Variants in TESK2 observed in about 807,000 individuals in gnomAD.
TESK2 encodes the protein testis associated actin remodelling kinase 2.
A neutral mutation model predicts 57.1 loss-of-function variants in TESK2; 39 were observed. That is an observed-to-expected ratio of 0.68 (90% confidence interval 0.53 to 0.89). TESK2 has a LOEUF of 0.89. Ranked by LOEUF, TESK2 falls within the 40% of genes least tolerant of loss-of-function variation. The pLI, the probability that TESK2 is intolerant of heterozygous loss-of-function variation, is 0.00. For missense variants in TESK2, 646 were observed against 732.1 expected, an observed-to-expected ratio of 0.88 and a Z score of 1.36; for synonymous variants, 249 against 267.9, an observed-to-expected ratio of 0.93 and a Z score of 0.69.
chr1:45,400,507 G>A (rs976663406), intron 3 of TESK2, among the ~76,000 whole-genome samples: 1 of 152,148 alleles, frequency 6.6e-6, no homozygotes, highest in Non-Finnish European at 1.5e-5. Context: ...ACAAAAAATT[G>A]TATGGGTCAC....
chr1:45,432,677 C>A (rs1651021795), intron 2 of TESK2, among the ~76,000 whole-genome samples: 1 of 150,034 alleles, frequency 6.7e-6, no homozygotes, highest in African/African-American at 2.4e-5. Flanking sequence ...GGCAAAAGAG[C>A]CAGACTCCGT....
chr1:45,489,929 T>A (rs1203950116), intron 1 of TESK2, among the ~76,000 whole-genome samples: 1 of 152,236 alleles, frequency 6.6e-6, no homozygotes, highest in Admixed American at 6.5e-5. Context: ...CCAGAGACTA[T>A]GTTCCCTATT....
chr1:45,412,530 A>G (rs1650074607), intron 3 of TESK2, among the ~76,000 whole-genome samples: 1 of 152,204 alleles, frequency 6.6e-6, no homozygotes, highest in South Asian at 2.1e-4. Flanking sequence ...CTTCTTAAGG[A>G]GACTCTCTGG....
intron 4 of TESK2, among the ~76,000 whole-genome samples, chr1:45,374,853 T>G (rs1433284358): frequency 6.6e-6 from 1 of 152,174 alleles, no homozygotes; most frequent in Non-Finnish European, 1.5e-5. Context: ...GGCAACTCTA[T>G]TTTTTAGGTG....
At chr1:45,414,669 C>T (rs963918198) in intron 3 of TESK2, among the ~76,000 whole-genome samples, 8 of 152,100 alleles carry the variant, frequency 5.3e-5, no homozygotes, top group African/African-American at 1.9e-4. Flanking sequence ...TACATATACC[C>T]GTAGCAAAGC....
At chr1:45,445,011 C>T (rs978047696) in intron 2 of TESK2, among the ~76,000 whole-genome samples, 2 of 152,144 alleles carry the variant, frequency 1.3e-5, no homozygotes, top group African/African-American at 4.8e-5. Context: ...CTACAGATAA[C>T]ATCACTATTG....
In TESK2 at chr1:45,345,500, G is replaced by C. The variant is rs758856632; in HGVS notation, c.1056C>G (p.Pro352=). 1.1e-5 allele frequency: 17 copies of C among 1,613,954 alleles called. No individual in the cohort carries two copies. Among genetic ancestry groups the C allele is most frequent in the Non-Finnish European group, 1.4e-5 (17 of 1,180,024 alleles). Residue 352 remains proline, a synonymous_variant, in exon 11 of 11, where the codon CCC becomes CCG. Coordinates refer to ENST00000372086, the MANE Select transcript of TESK2 (RefSeq NM_007170.3). ...KRLSSLDDKI[P]HKSPCPRRTI... is the part of the protein sequence containing the mutation. ...TACGTCTTGGGCATGGTGACTTGTG[G>C]GGGATCTTGTCATCCAGTGAGCTTA...
intron 3 of TESK2, among the ~76,000 whole-genome samples, chr1:45,414,105 G>T (rs560845252): frequency 6.6e-6 from 1 of 152,132 alleles, no homozygotes; most frequent in East Asian, 1.9e-4. Context: ...ATTAATACTC[G>T]TCTGGGTAAC....
intron 2 of TESK2, among the ~76,000 whole-genome samples, chr1:45,444,241 G>A (rs912328918): frequency 4.6e-5 from 7 of 150,648 alleles, no homozygotes; most frequent in African/African-American, 1.7e-4. Flanking sequence ...GATGAGTACA[G>A]ATGTGTTCCA....
In TESK2 at chr1:45,345,031, C is replaced by A. The variant is rs1330433025; in HGVS notation, c.1525G>T (p.Ala509Ser). ...FRASALPAAQ[A>S]HEAMDCSILQ... ...ATGGAGCAGTCCATAGCCTCATGGGCTTGAGCAGCTGGTAGGGCAGATGCC... is the reference window on the plus strand; with the variant it reads ...ATGGAGCAGTCCATAGCCTCATGGGATTGAGCAGCTGGTAGGGCAGATGCC... Residue 509 changes from alanine (A) to serine (S), a missense_variant, in exon 11 of 11, where the codon GCC (alanine) becomes TCC (serine). Ala to Ser is a moderately conservative substitution (Grantham distance 99, BLOSUM62 1). Transcript: ENST00000372086. 3 of 1,614,262 alleles carry A rather than the reference C, an allele frequency of 1.9e-6. No individual in the cohort carries two copies. In the South Asian group the frequency reaches 3.3e-5, roughly 18 times the overall value.
In TESK2 at chr1:45,347,683, C is replaced by G; in HGVS notation, c.634G>C (p.Glu212Gln). 1 of 1,614,192 alleles carries G rather than the reference C, an allele frequency of 6.2e-7. No homozygotes were observed. The highest frequency in any genetic ancestry group is 8.5e-7 in the Non-Finnish European group (1 of 1,180,024). ...EKIPDVSMGS[E>Q]KLAVVGSPFW... ...GGGGAACCCACCACGGCCAGCTTCTCACTCCCCATGCTGTGGGGTGAGATT... is the reference window on the plus strand; with the variant it reads ...GGGGAACCCACCACGGCCAGCTTCTGACTCCCCATGCTGTGGGGTGAGATT... The change falls in exon 7 of 11, where the codon GAG (glutamate) becomes CAG (glutamine). Residue 212 changes from glutamate to glutamine, a missense_variant. Physicochemically the swap from Glu to Gln is conservative, Grantham distance 29. Transcript: ENST00000372086.
chr1:45,433,242 A>AT (rs1001902237), intron 2 of TESK2, among the ~76,000 whole-genome samples: 2 of 149,528 alleles, frequency 1.3e-5, no homozygotes, highest in East Asian at 2.0e-4. Context: ...TGCCCAGCTA[A>AT]TTTTTTTTGT....
At position 45,387,036 on chromosome 1, in the gene TESK2, G is replaced by A. The variant is rs576707289; in HGVS notation, c.345-1076C>T. 2.1e-3 allele frequency among the ~76,000 whole-genome samples: 319 copies of A among 152,020 alleles called. 4 individuals are homozygous for A. The highest frequency in any genetic ancestry group is 7.4e-3 in the African/African-American group (307 of 41,456). On this transcript the variant is annotated intron_variant, in intron 3 of 10. Transcript: ENST00000372086. The stretch of plus-strand genomic sequence containing the variant: ...TTCATTATATCATTCTTACGCCTTT[G>A]CATAAGATTTGGCATAAGACTCTTA...
intron 2 of TESK2, among the ~76,000 whole-genome samples, chr1:45,453,225 T>C (rs1163239931): frequency 6.6e-6 from 1 of 151,184 alleles, no homozygotes; most frequent in African/African-American, 2.4e-5. Context: ...TGTGTGTCTG[T>C]AGTCCCAGCT....
At chr1:45,427,380 A>T (rs1012606104) in intron 2 of TESK2, among the ~76,000 whole-genome samples, 1 of 152,314 alleles carries the variant, frequency 6.6e-6, no homozygotes, top group African/African-American at 2.4e-5. Flanking sequence ...GAATAGAGCT[A>T]CCATATGATC....
rs1336135971 is a variant in TESK2 at position 45,344,327 on chromosome 1, C to T, written c.*513G>A. Reference sequence around the variant, plus strand: ...ATAGAAATGTAGTGACGTGGTCTGACCATGCAGTAAGTGCAAACAGCAATT... The same window carrying T: ...ATAGAAATGTAGTGACGTGGTCTGATCATGCAGTAAGTGCAAACAGCAATT... On this transcript the variant is annotated 3_prime_UTR_variant, in exon 11 of 11. Transcript: ENST00000372086. The T allele has an allele frequency of 6.2e-6, 1 of 160,636 alleles. No individual in the cohort carries two copies. Among genetic ancestry groups the T allele is most frequent in the Non-Finnish European group, 1.4e-5 (1 of 72,968 alleles). The allele number at this position is 160,636 out of a possible 1,614,324, so 10.0% of individuals were successfully genotyped here.
chr1:45,484,354 C>G (rs1395704010), intron 1 of TESK2, among the ~76,000 whole-genome samples: 6 of 151,936 alleles, frequency 3.9e-5, no homozygotes, highest in Non-Finnish European at 7.4e-5. Flanking sequence ...GGTGATCCAC[C>G]GGCCTCTGCC....
At chr1:45,472,862 G>A (rs1652822211) in intron 1 of TESK2, among the ~76,000 whole-genome samples, 2 of 151,850 alleles carry the variant, frequency 1.3e-5, no homozygotes, top group Non-Finnish European at 2.9e-5. Flanking sequence ...AGCATGCCGG[G>A]CGCGGTGGCT....
At chr1:45,416,314 A>T (rs1174150697) in intron 3 of TESK2, among the ~76,000 whole-genome samples, 1 of 151,782 alleles carries the variant, frequency 6.6e-6, no homozygotes, top group Non-Finnish European at 1.5e-5. Context: ...TCTACAAAAA[A>T]TACAAAAGAA....
Sources: allele counts gnomAD v4.1 joint callset (sites outside exome capture counted in the v4.1 genomes callset), GRCh38; gene constraint gnomAD v4.1.1; transcripts MANE v1.5; gene names NCBI Gene and HGNC (gene_info 2026-07-23, HGNC 2026-07-21).